Variants in RBFOX1 observed in about 807,000 individuals in gnomAD.
The protein encoded by RBFOX1 is RNA binding protein fox-1 homolog 1.
In RBFOX1, 8 loss-of-function variants were observed where a neutral mutation model predicts 57.7. That is an observed-to-expected ratio of 0.14 (90% confidence interval 0.08 to 0.25). The LOEUF (loss-of-function observed/expected upper bound fraction) is 0.25, where lower values mean the gene tolerates loss of function less well. Ranked by LOEUF, RBFOX1 falls within the 10% of genes least tolerant of loss-of-function variation. The pLI, the probability that RBFOX1 is intolerant of heterozygous loss-of-function variation, is 1.00. For missense variants in RBFOX1, 611 were observed against 548.5 expected, an observed-to-expected ratio of 1.11 and a Z score of -1.14; for synonymous variants, 326 against 222.4, an observed-to-expected ratio of 1.47 and a Z score of -4.15.
rs929889525 is a variant in RBFOX1 at position 6,097,271 on chromosome 16, A to G, written c.-127+77279A>G. Among the ~76,000 whole-genome samples the G allele has an allele frequency of 7.9e-5, 12 of 152,194 alleles. No homozygotes were observed. Among genetic ancestry groups the G allele is most frequent in the African/African-American group, 2.7e-4 (11 of 41,452 alleles). On this transcript the variant is annotated intron_variant, in intron 1 of 15. Coordinates refer to ENST00000550418, the MANE Select transcript of RBFOX1 (RefSeq NM_018723.4). This position sits in a 1 kb window ranked among gnomAD's most constrained non-coding sequence, Gnocchi z 5.0. ...TTTTGTTTATAAATTACTCAGTCTC[A>G]TGTATGTCTTTATCAGCAGCATAAA...
intron 3 of RBFOX1, among the ~76,000 whole-genome samples, chr16:6,854,548 A>G (rs2057440199): frequency 6.7e-6 from 1 of 148,992 alleles, no homozygotes; most frequent in Non-Finnish European, 1.5e-5. Flanking sequence ...ACATCTTCTG[A>G]ACCTCACGCA....
chr16:5,515,872 A>G (rs1171841522), intron 2 of RBFOX1, among the ~76,000 whole-genome samples: 1 of 152,076 alleles, frequency 6.6e-6, no homozygotes, highest in African/African-American at 2.4e-5. Flanking sequence ...TTTTGTGTGC[A>G]TTTTCTCACC....
intron 4 of RBFOX1, among the ~76,000 whole-genome samples, chr16:7,335,965 G>C (rs1484308520): frequency 6.6e-6 from 1 of 152,206 alleles, no homozygotes; most frequent in Non-Finnish European, 1.5e-5. Flanking sequence ...GAGAGGAAAG[G>C]ATAAGAGTAG....
At chr16:5,558,018 C>T (rs2045744737) in intron 2 of RBFOX1, among the ~76,000 whole-genome samples, 1 of 152,232 alleles carries the variant, frequency 6.6e-6, no homozygotes, top group African/African-American at 2.4e-5. Flanking sequence ...CACTGGGCGG[C>T]CCAACTCCGG....
intron 3 of RBFOX1, among the ~76,000 whole-genome samples, chr16:7,040,936 GA>G (rs1568490655): frequency 1.3e-4 from 19 of 146,320 alleles, no homozygotes; most frequent in East Asian, 1.2e-3. Context: ...GCTGGGGGGG[GA>G]AGGAGTCTTG....
Position 7,258,462 on chromosome 16 carries a change from A to C in RBFOX1, c.27+206364A>C, listed in dbSNP as rs1363679878. On this transcript the variant is annotated intron_variant, in intron 4 of 15. Transcript: ENST00000550418. The stretch of plus-strand genomic sequence containing the variant: ...CCTGTTTCATCTTCTATATTCTCCT[A>C]AACCCTCTCTCTCTCTCTGTCAAGG... Among the ~76,000 whole-genome samples the C allele has an allele frequency of 2.6e-5, 4 of 152,192 alleles. No homozygotes were observed. The East Asian group carries it at 7.7e-4, about 29-fold the overall frequency.
At chr16:5,806,267 T>C (rs1003480519) in intron 3 of RBFOX1, among the ~76,000 whole-genome samples, 2 of 152,232 alleles carry the variant, frequency 1.3e-5, no homozygotes, top group Non-Finnish European at 2.9e-5. Context: ...CAATTTATTT[T>C]CTCACAGTTC....
At chr16:7,626,318 C>T (rs1225728411) in intron 10 of RBFOX1, among the ~76,000 whole-genome samples, 2 of 152,194 alleles carry the variant, frequency 1.3e-5, no homozygotes, top group African/African-American at 4.8e-5. Flanking sequence ...CCCTGCATGC[C>T]GTATGGAGAC....
intron 1 of RBFOX1, among the ~76,000 whole-genome samples, chr16:6,279,451 A>T (rs758389247): frequency 9.2e-5 from 14 of 152,224 alleles, no homozygotes; most frequent in Non-Finnish European, 1.5e-4. Context: ...CCTCTGCAGA[A>T]GAGTGCCCTG....
intron 3 of RBFOX1, among the ~76,000 whole-genome samples, chr16:5,609,286 G>A (rs2047692561): frequency 6.6e-6 from 1 of 152,152 alleles, no homozygotes; most frequent in Non-Finnish European, 1.5e-5. Context: ...AAGGAGAGCT[G>A]TATTTTAAAT....
chr16:7,607,944 AATCC>A (rs1172060572), intron 10 of RBFOX1, among the ~76,000 whole-genome samples: 7 of 152,282 alleles, frequency 4.6e-5, no homozygotes, highest in African/African-American at 1.4e-4. Context: ...TCAGCTGGGA[AATCC>A]ATTCTCTTAG....
chr16:5,472,893 G>C (rs540199137), intron 2 of RBFOX1, among the ~76,000 whole-genome samples: 1 of 152,182 alleles, frequency 6.6e-6, no homozygotes, highest in Non-Finnish European at 1.5e-5. Flanking sequence ...TCAGGTTGTC[G>C]TAGGGGATCC....
chr16:5,477,244 TG>T (rs2069359339), intron 2 of RBFOX1, among the ~76,000 whole-genome samples: 1 of 152,108 alleles, frequency 6.6e-6, no homozygotes, highest in African/African-American at 2.4e-5. Context: ...ATATTTTTGG[TG>T]CCTGTATTTT....
chr16:5,552,469 G>A (rs2045503426), intron 2 of RBFOX1, among the ~76,000 whole-genome samples: 1 of 152,206 alleles, frequency 6.6e-6, no homozygotes, highest in Non-Finnish European at 1.5e-5. Flanking sequence ...TGTTTCAGGT[G>A]AGAAAACTGC....
At chr16:5,687,304 T>C (rs997647803) in intron 3 of RBFOX1, among the ~76,000 whole-genome samples, 14 of 152,078 alleles carry the variant, frequency 9.2e-5, no homozygotes, top group African/African-American at 3.4e-4. Flanking sequence ...AGTGCAGTAG[T>C]GTGTGGACCG....
intron 4 of RBFOX1, among the ~76,000 whole-genome samples, chr16:5,906,727 C>CTTTTTTTTT (rs57589514): frequency 3.6e-4 from 26 of 71,482 alleles, no homozygotes; most frequent in Admixed American, 8.9e-4. Context: ...ATCCTAGATT[C>CTTTTTTTTT]TTTTTTTTTT....
At chr16:7,521,568 A>G (rs2077518416) in intron 5 of RBFOX1, among the ~76,000 whole-genome samples, 1 of 152,232 alleles carries the variant, frequency 6.6e-6, no homozygotes, top group East Asian at 1.9e-4. Flanking sequence ...ACAGTGCCCC[A>G]GGCACTGCAG....
intron 2 of RBFOX1, among the ~76,000 whole-genome samples, chr16:6,618,804 C>T (rs751939540): frequency 9.9e-5 from 15 of 152,136 alleles, no homozygotes; most frequent in African/African-American, 1.7e-4. Flanking sequence ...AGTCCGTCTG[C>T]GTGCCTGTGC....
chr16:5,442,832 A>G (rs1480847904), intron 1 of RBFOX1, among the ~76,000 whole-genome samples: 1 of 152,290 alleles, frequency 6.6e-6, no homozygotes, highest in East Asian at 1.9e-4. Context: ...CCCCCATGCA[A>G]CCTTGGAAAT....
Sources: allele counts gnomAD v4.1 joint callset (sites outside exome capture counted in the v4.1 genomes callset), GRCh38; gene constraint gnomAD v4.1.1; non-coding constraint Gnocchi (gnomAD v3.1); transcripts MANE v1.5; gene names NCBI Gene and HGNC (gene_info 2026-07-23, HGNC 2026-07-21).